NEMP2: variants seen among roughly 807,000 people sequenced by gnomAD.
NEMP2 encodes nuclear envelope integral membrane protein 2.
NEMP2 carries 53 observed loss-of-function variants against 54.2 expected under a neutral mutation model. The observed-to-expected ratio is 0.98, with a 90% CI of 0.78 to 1.23. The LOEUF is 1.23. Ranked by LOEUF, NEMP2 falls within the 50% of genes most tolerant of loss-of-function variation. NEMP2 has a pLI of 0.00. For synonymous variants in NEMP2, 197 were observed against 190.3 expected (o/e 1.04, Z -0.29); for missense variants, 455 against 511.3 (o/e 0.89, Z 1.06).
chr2:190,635,261 G>A, the NEMP2 span, among the ~76,000 whole-genome samples: 119 of 152,296 alleles, frequency 7.8e-4, no homozygotes, highest in African/African-American at 2.7e-3. The surrounding 1 kb of genome is among the most constrained non-coding windows in gnomAD (Gnocchi z 4.1). Flanking sequence ...CTGTCACCCA[G>A]AATGGAGTGC....
chr2:190,554,309 G>A, the NEMP2 span, among the ~76,000 whole-genome samples: 1 of 152,108 alleles, frequency 6.6e-6, no homozygotes, highest in South Asian at 2.1e-4. This position sits in a 1 kb window ranked among gnomAD's most constrained non-coding sequence, Gnocchi z 5.7. Context: ...AGACAGAACC[G>A]TTGACTCCCC....
the NEMP2 span, among the ~76,000 whole-genome samples, chr2:190,606,666 G>T: frequency 6.6e-6 from 1 of 152,138 alleles, no homozygotes; most frequent in Non-Finnish European, 1.5e-5. Context: ...GAGCAAGATC[G>T]TGCCACTGCA....
chr2:190,572,833 G>GTTTGTT, the NEMP2 span, among the ~76,000 whole-genome samples: 1 of 47,862 alleles, frequency 2.1e-5, no homozygotes, highest in South Asian at 8.0e-4. Context: ...CTTTTCATGA[G>GTTTGTT]TATATATATA....
the NEMP2 span, among the ~76,000 whole-genome samples, chr2:190,603,325 G>A: frequency 2.0e-5 from 3 of 151,936 alleles, no homozygotes; most frequent in African/African-American, 7.3e-5. Flanking sequence ...AAAATTAAAT[G>A]GAATTGACAT....
chr2:190,505,451 C>T lies in NEMP2; in HGVS notation c.*3738G>A, dbSNP rs1166664440. 6.6e-5 allele frequency: 10 copies of T among 152,028 alleles called. No homozygotes were observed. Among genetic ancestry groups the T allele is most frequent in the Non-Finnish European group, 1.2e-4 (8 of 68,020 alleles). The allele number at this position is 152,028 out of a possible 1,614,324, so 9.4% of individuals were successfully genotyped here. A position where few individuals can be genotyped will look rare whatever the true frequency, so the allele number is the denominator to read the frequency against. ...CTCTAGTCAATGTTGGTATTCTTTCCCTTTCTCTTTTCAATCAGTCTTTCT... is the reference window on the plus strand; with the variant it reads ...CTCTAGTCAATGTTGGTATTCTTTCTCTTTCTCTTTTCAATCAGTCTTTCT... On this transcript the variant is annotated 3_prime_UTR_variant, in exon 9 of 9. Transcript: ENST00000409150. The surrounding 1 kb of genome is among the most constrained non-coding windows in gnomAD (Gnocchi z 5.8).
chr2:190,527,316 C>G lies in NEMP2; in HGVS notation c.98-1938G>C, dbSNP rs1173155420. Among the ~76,000 whole-genome samples the G allele has an allele frequency of 6.6e-6, 1 of 152,078 alleles. No individual in the cohort carries two copies. The highest frequency in any genetic ancestry group is 1.5e-5 in the Non-Finnish European group (1 of 68,026). On this transcript the variant is annotated intron_variant, in intron 1 of 8. Transcript: ENST00000409150. The surrounding 1 kb of genome is among the most constrained non-coding windows in gnomAD (Gnocchi z 4.0). Reference sequence around the variant, plus strand: ...AATACTGAATATGCTCACACAAGGCCCTGGTCCTGGCCTGAAATATCCTTA... The same window carrying G: ...AATACTGAATATGCTCACACAAGGCGCTGGTCCTGGCCTGAAATATCCTTA...
the NEMP2 span, chr2:190,488,704 G>A: frequency 1.9e-6 from 3 of 1,604,082 alleles, no homozygotes; most frequent in African/African-American, 2.7e-5. The surrounding 1 kb of genome is among the most constrained non-coding windows in gnomAD (Gnocchi z 6.4). Context: ...TTACCTCAGT[G>A]CAGCCGTTCC....
chr2:190,555,153 C>A, the NEMP2 span, among the ~76,000 whole-genome samples: 2 of 152,124 alleles, frequency 1.3e-5, no homozygotes, highest in Non-Finnish European at 2.9e-5. This position sits in a 1 kb window ranked among gnomAD's most constrained non-coding sequence, Gnocchi z 4.8. Context: ...CACTCAGAGA[C>A]CCCATTTGAA....
chr2:190,551,048 A>G, the NEMP2 span, among the ~76,000 whole-genome samples: 6 of 149,338 alleles, frequency 4.0e-5, no homozygotes, highest in East Asian at 9.7e-4. Context: ...TACCCTTACA[A>G]ATCACTTGCT....
At chr2:190,475,512 A>T in the NEMP2 span, among the ~76,000 whole-genome samples, 2 of 152,236 alleles carry the variant, frequency 1.3e-5, no homozygotes, top group Non-Finnish European at 2.9e-5. Context: ...AAGGGATATG[A>T]AGGACCTCTT....
the NEMP2 span, among the ~76,000 whole-genome samples, chr2:190,588,729 C>A: frequency 2.6e-5 from 4 of 152,200 alleles, no homozygotes; most frequent in Admixed American, 2.0e-4. This position sits in a 1 kb window ranked among gnomAD's most constrained non-coding sequence, Gnocchi z 5.0. Context: ...AAGAGATTAT[C>A]CTAATTGAGA....
chr2:190,480,244 TCTAA>T, the NEMP2 span, among the ~76,000 whole-genome samples: 16 of 152,238 alleles, frequency 1.1e-4, no homozygotes, highest in African/African-American at 3.6e-4. Flanking sequence ...AGTTTTATTG[TCTAA>T]CTTAGTTTAA....
At chr2:190,447,842 T>C in the NEMP2 span, among the ~76,000 whole-genome samples, 1 of 152,182 alleles carries the variant, frequency 6.6e-6, no homozygotes, top group African/African-American at 2.4e-5. The surrounding 1 kb of genome is among the most constrained non-coding windows in gnomAD (Gnocchi z 4.5). Context: ...AATCATTTGG[T>C]TTTTATCATC....
chr2:190,455,964 T>A, the NEMP2 span, among the ~76,000 whole-genome samples: 1 of 98,872 alleles, frequency 1.0e-5, no homozygotes, highest in Admixed American at 1.5e-4. Flanking sequence ...TTTTTGAGAC[T>A]GAGTCTCATT....
At chr2:190,524,142 G>A (rs376840162) in intron 2 of NEMP2, among the ~76,000 whole-genome samples, 10 of 151,892 alleles carry the variant, frequency 6.6e-5, no homozygotes, top group South Asian at 4.2e-4. Context: ...ACCTGAGCCC[G>A]GGAGGTTGAG....
chr2:190,526,839 T>C (rs1252916227), intron 1 of NEMP2, among the ~76,000 whole-genome samples: 2 of 152,178 alleles, frequency 1.3e-5, no homozygotes, highest in African/African-American at 2.4e-5. Context: ...TGGAGACAGA[T>C]GTAGATACCT....
the NEMP2 span, among the ~76,000 whole-genome samples, chr2:190,472,422 G>A: frequency 3.3e-5 from 5 of 152,328 alleles, no homozygotes; most frequent in Admixed American, 2.0e-4. Flanking sequence ...ACCACGGCAC[G>A]AGAAATAGGT....
chr2:190,600,981 G>A, the NEMP2 span, among the ~76,000 whole-genome samples: 11 of 152,062 alleles, frequency 7.2e-5, no homozygotes, highest in African/African-American at 2.2e-4. This position sits in a 1 kb window ranked among gnomAD's most constrained non-coding sequence, Gnocchi z 4.9. Flanking sequence ...TCAGAAAGCT[G>A]AGCAAGTACA....
chr2:190,568,207 T>G, the NEMP2 span: 1 of 152,158 alleles, frequency 6.6e-6, no homozygotes, highest in Admixed American at 6.5e-5. This position sits in a 1 kb window ranked among gnomAD's most constrained non-coding sequence, Gnocchi z 4.7. Flanking sequence ...TGAAGGTGAT[T>G]TGAGCATAGC....
Sources: allele counts gnomAD v4.1 joint callset (sites outside exome capture counted in the v4.1 genomes callset), GRCh38; gene constraint gnomAD v4.1.1; non-coding constraint Gnocchi (gnomAD v3.1); transcripts MANE v1.5; gene names NCBI Gene and HGNC (gene_info 2026-07-23, HGNC 2026-07-21).